Variants in PCDH7 observed in about 807,000 individuals in gnomAD.
PCDH7 encodes the protein protocadherin 7, also known as protocadherin-7.
PCDH7 carries 17 observed loss-of-function variants against 58.9 expected under a neutral mutation model. The observed-to-expected ratio is 0.29, with a 90% confidence interval of 0.20 to 0.43. The LOEUF is 0.43. PCDH7 is among the 20% of genes least tolerant of loss of function. The pLI is 1.00. For missense variants in PCDH7, 1,274 were observed against 1,441.0 expected, an observed-to-expected ratio of 0.88 and a Z score of 1.88; for synonymous variants, 664 against 616.4, an observed-to-expected ratio of 1.08 and a Z score of -1.14.
At chr4:30,786,571 T>C (rs1723428823) in intron 1 of PCDH7, among the ~76,000 whole-genome samples, 1 of 152,070 alleles carries the variant, frequency 6.6e-6, no homozygotes. Flanking sequence ...GTTATGTCTC[T>C]ATGGCTTCTG....
intron 1 of PCDH7, among the ~76,000 whole-genome samples, chr4:30,749,962 G>A (rs1270872126): frequency 6.6e-6 from 1 of 151,988 alleles, no homozygotes; most frequent in Non-Finnish European, 1.5e-5. Context: ...ACACAGTTCT[G>A]GAGCTTAAAT....
chr4:30,884,054 T>G lies in PCDH7; in HGVS notation c.71-36099T>G, dbSNP rs1285204608. On this transcript the variant is annotated intron_variant, in intron 1 of 3. Transcript: ENST00000509759. The stretch of plus-strand genomic sequence containing the variant: ...TTTTCCTGGTTGCCCTATTTTCTAT[T>G]TATTTTAATATTACATATTAAATAA... 2.6e-5 allele frequency among the ~76,000 whole-genome samples: 4 copies of G among 152,326 alleles called. No homozygotes were observed. The East Asian group carries it at 5.8e-4, about 22-fold the overall frequency.
intron 3 of PCDH7, among the ~76,000 whole-genome samples, chr4:30,951,767 G>A (rs1747394441): frequency 6.6e-6 from 1 of 152,160 alleles, no homozygotes; most frequent in Non-Finnish European, 1.5e-5. Flanking sequence ...AGGTGGCGAA[G>A]TTGAGAGGGG....
rs147613519 is a variant in PCDH7 at position 31,090,932 on chromosome 4, G to A, written c.*8-51541G>A. On this transcript the variant is annotated intron_variant, in intron 3 of 3. Coordinates refer to the PCDH7 transcript ENST00000509759. ...TCATGATGTATCTACATTTTTTAAA[G>A]ATACAAAACTGTTGTAGTTAAAAGC... Among the ~76,000 whole-genome samples, 226 of 152,018 alleles carry A rather than the reference G, an allele frequency of 1.5e-3. 3 individuals are homozygous for A. In the South Asian group the frequency reaches 0.017, roughly 12 times the overall value.
chr4:31,088,771 GT>G (rs945533574), intron 3 of PCDH7, among the ~76,000 whole-genome samples: 10 of 151,788 alleles, frequency 6.6e-5, no homozygotes, highest in African/African-American at 2.4e-4. Context: ...TATTTCTGCC[GT>G]TTTTTAATGT....
chr4:31,065,335 A>G (rs1178649363), intron 3 of PCDH7, among the ~76,000 whole-genome samples: 1 of 151,996 alleles, frequency 6.6e-6, no homozygotes, highest in Non-Finnish European at 1.5e-5. Flanking sequence ...AGCAGTGCTT[A>G]GTGGTAAGGC....
chr4:30,990,798 G>A (rs1362957905), intron 3 of PCDH7, among the ~76,000 whole-genome samples: 1 of 152,060 alleles, frequency 6.6e-6, no homozygotes, highest in Non-Finnish European at 1.5e-5. Flanking sequence ...TCTGCTTAAT[G>A]GCCTCACAAT....
intron 1 of PCDH7, among the ~76,000 whole-genome samples, chr4:30,825,380 A>G (rs984816301): frequency 1.3e-5 from 2 of 152,158 alleles, no homozygotes; most frequent in Non-Finnish European, 2.9e-5. Context: ...AACTTTCAGT[A>G]TGTTTTATCT....
At chr4:31,041,250 T>C (rs578144311) in intron 3 of PCDH7, among the ~76,000 whole-genome samples, 2 of 152,332 alleles carry the variant, frequency 1.3e-5, no homozygotes, top group Admixed American at 6.5e-5. Flanking sequence ...ACCTAGTGTA[T>C]GGTACTGTCT....
intron 3 of PCDH7, among the ~76,000 whole-genome samples, chr4:31,025,534 T>G (rs1754358491): frequency 6.6e-6 from 1 of 152,134 alleles, no homozygotes; most frequent in South Asian, 2.1e-4. Context: ...ATATATGAGA[T>G]TGTTTTGAAG....
intron 3 of PCDH7, among the ~76,000 whole-genome samples, chr4:31,024,418 C>A (rs1198422746): frequency 6.6e-6 from 1 of 152,046 alleles, no homozygotes; most frequent in African/African-American, 2.4e-5. Flanking sequence ...TTAGGCTCTC[C>A]TTAAAAATGG....
At chr4:31,138,337 C>A (rs982180832) in intron 3 of PCDH7, among the ~76,000 whole-genome samples, 1 of 152,104 alleles carries the variant, frequency 6.6e-6, no homozygotes, top group Non-Finnish European at 1.5e-5. Flanking sequence ...GAGGTTGTTT[C>A]ATTCTTTTCA....
chr4:30,722,109 A>C lies in PCDH7; in HGVS notation c.687A>C (p.Ser229=). ...GCTCCAAGCGGCGGCTGGACGCATC[A>C]GAGGGCGGCGGCGGCACCAACCCCG... Residue 229 remains serine (S), a synonymous_variant, in exon 1 of 2, where the codon TCA becomes TCC. Coordinates refer to ENST00000361762, the Ensembl canonical transcript of PCDH7. This position sits in a 1 kb window ranked among gnomAD's most constrained non-coding sequence, Gnocchi z 7.6. 1 of 1,415,580 alleles carries C rather than the reference A, an allele frequency of 7.1e-7. No individual in the cohort carries two copies. The highest frequency in any genetic ancestry group is 9.2e-7 in the Non-Finnish European group (1 of 1,091,654). 87.7% of individuals were successfully genotyped at this position (1,415,580 alleles called of 1,614,324 possible). A position where few individuals can be genotyped will look rare whatever the true frequency, so the allele number is the denominator to read the frequency against.
At chr4:30,992,831 C>T (rs1751571598) in intron 3 of PCDH7, among the ~76,000 whole-genome samples, 2 of 117,160 alleles carry the variant, frequency 1.7e-5, no homozygotes, top group African/African-American at 6.8e-5. Flanking sequence ...CGGAGTCTTG[C>T]TCTGTCGCCA....
chr4:31,071,599 A>G (rs115193646), intron 3 of PCDH7, among the ~76,000 whole-genome samples: 1,571 of 152,142 alleles, frequency 0.01, 23 homozygotes, highest in African/African-American at 0.036. Context: ...TGGCAAATCA[A>G]TTCATTAGTG....
At chr4:31,029,963 G>T (rs1018669214) in intron 3 of PCDH7, among the ~76,000 whole-genome samples, 8 of 152,122 alleles carry the variant, frequency 5.3e-5, no homozygotes, top group Admixed American at 3.9e-4. Flanking sequence ...ACTAGACTAG[G>T]CTGGGTTCTA....
downstream of PCDH7, among the ~76,000 whole-genome samples, chr4:30,736,171 C>A (rs1382816072): frequency 6.6e-6 from 1 of 152,084 alleles, no homozygotes; most frequent in Non-Finnish European, 1.5e-5. Flanking sequence ...GAAGCTGAGA[C>A]TTAAAGAGGA....
At chr4:31,034,953 A>G (rs930614600) in intron 3 of PCDH7, among the ~76,000 whole-genome samples, 18 of 152,208 alleles carry the variant, frequency 1.2e-4, no homozygotes, top group Admixed American at 4.6e-4. Context: ...CACCTTAATT[A>G]ATTGCACCCT....
intron 2 of PCDH7, among the ~76,000 whole-genome samples, chr4:30,930,344 A>G (rs972494492): frequency 2.0e-5 from 3 of 151,384 alleles, no homozygotes; most frequent in Admixed American, 6.6e-5. Flanking sequence ...AGAGCAGCAC[A>G]TTTTCCTTGG....
Sources: allele counts gnomAD v4.1 joint callset (sites outside exome capture counted in the v4.1 genomes callset), GRCh38; gene constraint gnomAD v4.1.1; non-coding constraint Gnocchi (gnomAD v3.1); transcripts MANE v1.5; gene names NCBI Gene and HGNC (gene_info 2026-07-23, HGNC 2026-07-21).